The following ACOT12 variants were observed in gnomAD, a reference collection of about 807,000 sequenced individuals.
ACOT12 encodes the protein acetyl-coenzyme A thioesterase.
In ACOT12, 51 loss-of-function variants were observed where a neutral mutation model predicts 67.7. The ratio of observed to expected loss-of-function variants is 0.75; its 90% CI spans 0.60 to 0.95. The LOEUF is 0.95. Among genes scored for constraint, ACOT12 ranks in the 40% least tolerant of loss-of-function variants. The pLI, the probability that ACOT12 is intolerant of heterozygous loss-of-function variation, is 0.00. For synonymous variants in ACOT12, 251 were observed against 244.6 expected (o/e 1.03, Z -0.24); for missense variants, 734 against 708.1 (o/e 1.04, Z -0.41).
At chr5:81,348,010 C>T (rs2153850258) in intron 5 of ACOT12, 80 bp from the exon 6 acceptor site, 1 of 1,446,200 alleles carries the variant, frequency 6.9e-7, no homozygotes, top group Non-Finnish European at 9.4e-7. Flanking sequence ...CCCGGCAGTA[C>T]ATTCAACTCG....
At chr5:81,310,925 G>A in the ACOT12 span, among the ~76,000 whole-genome samples, 6 of 152,312 alleles carry the variant, frequency 3.9e-5, no homozygotes, top group African/African-American at 1.4e-4. Flanking sequence ...CCAGGCTTCT[G>A]TGCAATAGCT....
chr5:81,378,844 AC>A (rs1760495615), intron 2 of ACOT12, among the ~76,000 whole-genome samples: 1 of 152,202 alleles, frequency 6.6e-6, no homozygotes, highest in Non-Finnish European at 1.5e-5. Context: ...CAGATGCTGG[AC>A]AGTACATGGG....
intron 11 of ACOT12, among the ~76,000 whole-genome samples, chr5:81,341,243 G>C (rs946167709): frequency 6.6e-6 from 1 of 152,184 alleles, no homozygotes; most frequent in East Asian, 1.9e-4. Flanking sequence ...ACCAGGCAAA[G>C]ACAGAAATTT....
At chr5:81,361,595 A>G (rs1759911720) in intron 4 of ACOT12, among the ~76,000 whole-genome samples, 1 of 152,184 alleles carries the variant, frequency 6.6e-6, no homozygotes, top group Non-Finnish European at 1.5e-5. Flanking sequence ...TCCTGAAACC[A>G]AGATACCTCG....
intron 12 of ACOT12, among the ~76,000 whole-genome samples, chr5:81,333,042 T>A (rs1225724835): frequency 6.6e-6 from 1 of 150,592 alleles, no homozygotes; most frequent in Non-Finnish European, 1.5e-5. Context: ...GCAGTCCAGC[T>A]TAGGTGACAC....
intron 1 of ACOT12, among the ~76,000 whole-genome samples, chr5:81,387,505 G>A (rs1332338067): frequency 2.0e-5 from 3 of 148,934 alleles, no homozygotes. Flanking sequence ...GTGTTATAAT[G>A]TATACCAACA....
chr5:81,375,852 A>G (rs1760395164), intron 2 of ACOT12, among the ~76,000 whole-genome samples: 1 of 152,116 alleles, frequency 6.6e-6, no homozygotes, highest in South Asian at 2.1e-4. Context: ...GTTCTTAGAG[A>G]CCTACAAAGA....
chr5:81,346,524 A>C (rs868182333), intron 6 of ACOT12, among the ~76,000 whole-genome samples: 41 of 152,224 alleles, frequency 2.7e-4, no homozygotes, highest in Non-Finnish European at 3.4e-4. Flanking sequence ...CACATTTTAT[A>C]ATTTTTGTGT....
the ACOT12 span, among the ~76,000 whole-genome samples, chr5:81,323,290 G>T: frequency 1.3e-5 from 2 of 151,986 alleles, no homozygotes; most frequent in Non-Finnish European, 1.5e-5. Flanking sequence ...ATCTAGGCTG[G>T]GCATACCTAG....
At chr5:81,388,800 T>C (rs1007204402) in intron 1 of ACOT12, among the ~76,000 whole-genome samples, 2 of 152,102 alleles carry the variant, frequency 1.3e-5, no homozygotes, top group South Asian at 2.1e-4. Flanking sequence ...CGGTGGGAGA[T>C]AATTGAATCA....
chr5:81,384,324 A>G (rs929576959), intron 2 of ACOT12, among the ~76,000 whole-genome samples: 6 of 151,694 alleles, frequency 4.0e-5, no homozygotes, highest in Non-Finnish European at 4.4e-5. Flanking sequence ...TTAGTACAAA[A>G]TAGACGGGGT....
the ACOT12 span, among the ~76,000 whole-genome samples, chr5:81,323,942 A>G: frequency 5.5e-3 from 775 of 140,034 alleles, 6 homozygotes; most frequent in African/African-American, 0.018. Flanking sequence ...ATATATGTGT[A>G]TATATATATA....
chr5:81,342,316 T>C (rs963387472), intron 11 of ACOT12, among the ~76,000 whole-genome samples: 1 of 152,166 alleles, frequency 6.6e-6, no homozygotes, highest in African/African-American at 2.4e-5. Flanking sequence ...AAAGAAGTCA[T>C]GACAGTTACT....
chr5:81,322,228 T>C, the ACOT12 span, among the ~76,000 whole-genome samples: 1 of 152,152 alleles, frequency 6.6e-6, no homozygotes, highest in Non-Finnish European at 1.5e-5. Flanking sequence ...TTAGGCATTA[T>C]AGTGTATTGC....
intron 3 of ACOT12, among the ~76,000 whole-genome samples, chr5:81,370,238 C>A (rs1476132876): frequency 1.3e-5 from 2 of 152,140 alleles, no homozygotes; most frequent in African/African-American, 4.8e-5. Flanking sequence ...CTTGCCATTG[C>A]ACTCCAGCCT....
intron 2 of ACOT12, among the ~76,000 whole-genome samples, chr5:81,384,509 C>T (rs1335502796): frequency 3.3e-5 from 5 of 152,098 alleles, no homozygotes; most frequent in East Asian, 1.9e-4. Context: ...TGTTTAGATA[C>T]ACAAATAGTC....
chr5:81,312,161 C>A, the ACOT12 span, among the ~76,000 whole-genome samples: 5 of 152,322 alleles, frequency 3.3e-5, no homozygotes, highest in Admixed American at 2.0e-4. Flanking sequence ...ACAAGACTGA[C>A]AAGCAGATGT....
At chr5:81,334,415 ACGACTTAAG>A (rs1292646753) in intron 12 of ACOT12, among the ~76,000 whole-genome samples, 1 of 152,120 alleles carries the variant, frequency 6.6e-6, no homozygotes, top group Admixed American at 6.5e-5. Flanking sequence ...AACACTCCCC[ACGACTTAAG>A]CGACTTAAGC....
At chr5:81,336,784 G>A (rs1759016932) in intron 11 of ACOT12, among the ~76,000 whole-genome samples, 1 of 152,106 alleles carries the variant, frequency 6.6e-6, no homozygotes, top group Non-Finnish European at 1.5e-5. Context: ...ATGGGGTTAG[G>A]ACTTCACTGC....
Sources: gnomAD v4.1 joint callset for allele counts (sites outside exome capture counted in the v4.1 genomes callset) on GRCh38, gnomAD v4.1.1 for gene constraint, MANE v1.5 for transcripts, NCBI Gene and HGNC (gene_info 2026-07-23, HGNC 2026-07-21) for gene names.